Variants in PAK1 observed in about 807,000 individuals in gnomAD.
PAK1 encodes the protein serine/threonine-protein kinase PAK 1.
Under a neutral mutation model 67.4 loss-of-function variants are expected in PAK1, and 29 were observed. The observed-to-expected ratio is 0.43, with a 90% CI of 0.32 to 0.59. The LOEUF (loss-of-function observed/expected upper bound fraction) is 0.59, where lower values mean the gene tolerates loss of function less well. Ranked by LOEUF, PAK1 falls within the 20% of genes least tolerant of loss-of-function variation. The probability of loss-of-function intolerance (pLI) is 0.07; values close to 1 mark genes in which losing one functional copy is unlikely to be tolerated. For missense variants in PAK1, 337 were observed against 670.7 expected (o/e 0.50, Z 5.50); for synonymous variants, 223 against 237.4 (o/e 0.94, Z 0.56).
At chr11:77,394,398 C>T (rs1484001346) in intron 1 of PAK1, among the ~76,000 whole-genome samples, 1 of 152,034 alleles carries the variant, frequency 6.6e-6, no homozygotes, top group Non-Finnish European at 1.5e-5. Flanking sequence ...CCGCTTTAGG[C>T]ATCAATTACT....
chr11:77,376,777 A>G (rs1336365785), intron 4 of PAK1, among the ~76,000 whole-genome samples: 1 of 152,074 alleles, frequency 6.6e-6, no homozygotes, highest in Non-Finnish European at 1.5e-5. Flanking sequence ...AAAAATAGAA[A>G]TACTTGACAA....
chr11:77,394,940 C>T (rs1010695885), intron 1 of PAK1, among the ~76,000 whole-genome samples: 1 of 152,116 alleles, frequency 6.6e-6, no homozygotes, highest in Non-Finnish European at 1.5e-5. Context: ...TGTTATTTGA[C>T]CAAATGCACC....
At chr11:77,441,072 C>T (rs1020600638) in intron 1 of PAK1, among the ~76,000 whole-genome samples, 2 of 152,182 alleles carry the variant, frequency 1.3e-5, no homozygotes, top group Admixed American at 1.3e-4. Flanking sequence ...GAGGCCTGTA[C>T]CATACTCTGC....
At chr11:77,377,884 AC>A (rs142331505) in intron 4 of PAK1, among the ~76,000 whole-genome samples, 1,922 of 152,238 alleles carry the variant, frequency 0.013, 36 homozygotes, top group African/African-American at 0.042. Context: ...CCTTGAAATG[AC>A]TCAGTCCCTC....
intron 1 of PAK1, among the ~76,000 whole-genome samples, chr11:77,453,527 A>AC (rs1442685775): frequency 1.3e-5 from 2 of 152,136 alleles, no homozygotes; most frequent in African/African-American, 4.8e-5. Flanking sequence ...AAAAAAAAAA[A>AC]AAACAAGGGG....
chr11:77,408,187 G>C (rs1953915471), intron 1 of PAK1: 1 of 152,260 alleles, frequency 6.6e-6, no homozygotes, highest in South Asian at 2.1e-4. Flanking sequence ...ATCTGCATTT[G>C]AGAGCAACAA....
chr11:77,350,290 G>C (rs1945052713), intron 8 of PAK1, among the ~76,000 whole-genome samples: 1 of 152,082 alleles, frequency 6.6e-6, no homozygotes, highest in African/African-American at 2.4e-5. Flanking sequence ...CATGCTCCCA[G>C]AAGATCTGAG....
intron 2 of PAK1, among the ~76,000 whole-genome samples, chr11:77,381,876 T>C (rs1265702474): frequency 6.6e-6 from 1 of 152,204 alleles, no homozygotes; most frequent in Non-Finnish European, 1.5e-5. Flanking sequence ...ACTTGGCAAT[T>C]TCCCTCTCAG....
the PAK1 span, among the ~76,000 whole-genome samples, chr11:77,507,422 A>G: frequency 6.6e-6 from 1 of 152,206 alleles, no homozygotes; most frequent in Non-Finnish European, 1.5e-5. Context: ...GCACATTAAG[A>G]GCAACATGCA....
At chr11:77,443,133 G>A (rs903971796) in intron 1 of PAK1, among the ~76,000 whole-genome samples, 1 of 152,028 alleles carries the variant, frequency 6.6e-6, no homozygotes, top group Non-Finnish European at 1.5e-5. Context: ...GACCATCATG[G>A]CCAACATGGT....
chr11:77,516,003 G>C, the PAK1 span, among the ~76,000 whole-genome samples: 1 of 152,208 alleles, frequency 6.6e-6, no homozygotes, highest in Non-Finnish European at 1.5e-5. Flanking sequence ...ATGATGGAAA[G>C]AAGAAGGGCT....
the PAK1 span, among the ~76,000 whole-genome samples, chr11:77,500,859 T>C: frequency 2.0e-5 from 3 of 151,488 alleles, no homozygotes; most frequent in Admixed American, 1.3e-4. Context: ...AAAAATTCAG[T>C]TCTTTCCCAA....
chr11:77,497,252 G>A, the PAK1 span, among the ~76,000 whole-genome samples: 1 of 152,210 alleles, frequency 6.6e-6, no homozygotes, highest in African/African-American at 2.4e-5. Flanking sequence ...CTAGAGGTAT[G>A]GAGATGAATA....
chr11:77,365,542 T>G (rs1255243077), intron 5 of PAK1, among the ~76,000 whole-genome samples: 1 of 151,644 alleles, frequency 6.6e-6, no homozygotes, highest in Non-Finnish European at 1.5e-5. Flanking sequence ...CACAAAAAGA[T>G]TCACACCTGG....
chr11:77,430,173 G>A (rs770267083), intron 1 of PAK1, among the ~76,000 whole-genome samples: 5 of 151,892 alleles, frequency 3.3e-5, no homozygotes, highest in South Asian at 4.2e-4. Flanking sequence ...CTAAGAATTA[G>A]AAGGTTATGT....
At chr11:77,330,114 A>T (rs897595120) in intron 14 of PAK1, among the ~76,000 whole-genome samples, 3 of 152,128 alleles carry the variant, frequency 2.0e-5, no homozygotes, top group African/African-American at 7.2e-5. Flanking sequence ...ACTACAAACC[A>T]CTGCTCAATG....
intron 1 of PAK1, among the ~76,000 whole-genome samples, chr11:77,457,791 T>G (rs112588589): frequency 6.6e-6 from 1 of 152,124 alleles, no homozygotes; most frequent in Non-Finnish European, 1.5e-5. Flanking sequence ...AAATACACAC[T>G]AGGCAGGAGC....
intron 9 of PAK1, chr11:77,347,035 A>G (rs1425698995): frequency 3.9e-5 from 18 of 456,156 alleles, no homozygotes; most frequent in African/African-American, 6.0e-5. Flanking sequence ...AAGAACTCAC[A>G]AAGACTGAGA....
chr11:77,362,580 C>T (rs535127868), intron 5 of PAK1, among the ~76,000 whole-genome samples: 1 of 152,108 alleles, frequency 6.6e-6, no homozygotes. Flanking sequence ...ATGAGTTCTG[C>T]GTAAGATATT....
Sources: gnomAD v4.1 joint callset for allele counts (sites outside exome capture counted in the v4.1 genomes callset) on GRCh38, gnomAD v4.1.1 for gene constraint, MANE v1.5 for transcripts, NCBI Gene and HGNC (gene_info 2026-07-23, HGNC 2026-07-21) for gene names.